The following MECOM variants were observed in gnomAD, a reference collection of about 807,000 sequenced individuals.
The protein encoded by MECOM is histone-lysine N-methyltransferase MECOM.
In MECOM, 13 loss-of-function variants were observed where a neutral mutation model predicts 116.3. That is an observed-to-expected ratio of 0.11 (90% confidence interval 0.07 to 0.18). The LOEUF (loss-of-function observed/expected upper bound fraction) is 0.18, where lower values mean the gene tolerates loss of function less well. MECOM is among the 10% of genes least tolerant of loss of function. The probability of loss-of-function intolerance (pLI) is 1.00; values close to 1 mark genes in which losing one functional copy is unlikely to be tolerated. For missense variants in MECOM, 1,299 were observed against 1,509.0 expected (o/e 0.86, Z 2.31); for synonymous variants, 528 against 535.2 (o/e 0.99, Z 0.19).
At chr3:169,512,819 C>A (rs1283184809) in intron 1 of MECOM, among the ~76,000 whole-genome samples, 1 of 152,194 alleles carries the variant, frequency 6.6e-6, no homozygotes, top group Non-Finnish European at 1.5e-5. Context: ...CTTCTTCCTG[C>A]AGGGCCATCT....
intron 1 of MECOM, among the ~76,000 whole-genome samples, chr3:169,591,897 T>C (rs1354563277): frequency 6.6e-6 from 1 of 151,264 alleles, no homozygotes; most frequent in Non-Finnish European, 1.5e-5. Context: ...CAGTACAGTA[T>C]AGAGAATAAT....
At chr3:169,286,437 T>C (rs1713334695) in intron 2 of MECOM, among the ~76,000 whole-genome samples, 1 of 152,186 alleles carries the variant, frequency 6.6e-6, no homozygotes. Context: ...AAGAATAGAA[T>C]ACCTTCCCTT....
chr3:169,616,679 C>T (rs540536456), intron 1 of MECOM, among the ~76,000 whole-genome samples: 63 of 152,250 alleles, frequency 4.1e-4, no homozygotes, highest in African/African-American at 1.4e-3. Flanking sequence ...ACAAAGATTT[C>T]GGCTTCACTG....
intron 2 of MECOM, among the ~76,000 whole-genome samples, chr3:169,349,351 C>T (rs749936816): frequency 3.3e-5 from 5 of 151,878 alleles, no homozygotes; most frequent in African/African-American, 1.2e-4. Flanking sequence ...TTACAAACCT[C>T]GTCTAGTCGG....
intron 1 of MECOM, among the ~76,000 whole-genome samples, chr3:169,382,041 T>A (rs1732472806): frequency 6.6e-6 from 1 of 152,146 alleles, no homozygotes. Flanking sequence ...AATATTAGTG[T>A]TTTTTCTTTC....
intron 2 of MECOM, among the ~76,000 whole-genome samples, chr3:169,315,382 G>T (rs1719553081): frequency 6.6e-6 from 1 of 152,174 alleles, no homozygotes; most frequent in African/African-American, 2.4e-5. Flanking sequence ...TTTATTCTTT[G>T]TAAAATACAG....
In MECOM at chr3:169,115,753, T is replaced by C. The variant is rs745390968; in HGVS notation, c.2119A>G (p.Met707Val). Reference sequence around the variant, plus strand: ...AAGTCTCTATCAGGAAATGGGTACATTGATTGAGAGAATGCTGGAAAAAAT... The same window carrying C: ...AAGTCTCTATCAGGAAATGGGTACACTGATTGAGAGAATGCTGGAAAAAAT... ...LPFFPAFSQS[M>V]YPFPDRDLRS... The change falls in exon 8 of 17, where the codon ATG (methionine) becomes GTG (valine). Residue 707 changes from methionine (M) to valine (V), a missense_variant. By Grantham distance (21) the Met-to-Val change is conservative. Transcript: ENST00000651503. 1.6e-5 allele frequency: 26 copies of C among 1,614,026 alleles called. No homozygotes were observed. Among genetic ancestry groups the C allele is most frequent in the African/African-American group, 1.5e-4 (11 of 74,926 alleles).
chr3:169,335,163 A>G (rs1723394803), intron 2 of MECOM, among the ~76,000 whole-genome samples: 1 of 152,144 alleles, frequency 6.6e-6, no homozygotes, highest in Non-Finnish European at 1.5e-5. Context: ...TGGACTGAAC[A>G]AGGAAGCAGA....
intron 1 of MECOM, among the ~76,000 whole-genome samples, chr3:169,600,560 C>T (rs1767713500): frequency 6.6e-6 from 1 of 152,172 alleles, no homozygotes; most frequent in African/African-American, 2.4e-5. Flanking sequence ...TTTCTCCCTT[C>T]AAGAGGAACT....
chr3:169,378,694 CTAGA>C (rs1731874258), intron 2 of MECOM, among the ~76,000 whole-genome samples: 1 of 151,544 alleles, frequency 6.6e-6, no homozygotes, highest in African/African-American at 2.4e-5. Context: ...GACTGAACAA[CTAGA>C]TAGATGGCAA....
At chr3:169,560,629 T>C (rs901131029) in intron 1 of MECOM, among the ~76,000 whole-genome samples, 3 of 152,056 alleles carry the variant, frequency 2.0e-5, no homozygotes, top group African/African-American at 7.2e-5. Flanking sequence ...TGTTTAACAA[T>C]AAATGACAGA....
intron 2 of MECOM, among the ~76,000 whole-genome samples, chr3:169,349,220 G>A (rs1725885708): frequency 6.6e-6 from 1 of 151,798 alleles, no homozygotes; most frequent in African/African-American, 2.4e-5. Flanking sequence ...CTGTTCGTAG[G>A]TTAGACCCCT....
At chr3:169,372,245 G>T (rs1730263088) in intron 2 of MECOM, among the ~76,000 whole-genome samples, 1 of 152,084 alleles carries the variant, frequency 6.6e-6, no homozygotes, top group South Asian at 2.1e-4. Context: ...TTCTGGCTGA[G>T]ATGAACACAA....
chr3:169,522,663 A>G (rs903075703), intron 1 of MECOM, among the ~76,000 whole-genome samples: 3 of 152,232 alleles, frequency 2.0e-5, no homozygotes, highest in Non-Finnish European at 2.9e-5. Flanking sequence ...ATGTGATCAT[A>G]TGGATGTAAA....
chr3:169,569,136 G>A (rs1034208309), intron 1 of MECOM, among the ~76,000 whole-genome samples: 1 of 151,632 alleles, frequency 6.6e-6, no homozygotes, highest in African/African-American at 2.4e-5. Context: ...AAAATAAAGG[G>A]ATGGAGGAAT....
At position 169,090,062 on chromosome 3, in the gene MECOM, G is replaced by T. The variant is rs759427716; in HGVS notation, c.3339C>A (p.Asn1113Lys). The T allele has an allele frequency of 6.2e-7, 1 of 1,613,528 alleles. No individual in the cohort carries two copies. Among genetic ancestry groups the T allele is most frequent in the Admixed American group, 1.7e-5 (1 of 59,954 alleles). Residue 1113 changes from asparagine to lysine, a missense_variant, in exon 15 of 17, where the codon AAC (asparagine) becomes AAA (lysine). Asn to Lys is a moderately conservative substitution (Grantham distance 94, BLOSUM62 0). Transcript: ENST00000651503. ...EPVTSNLHEGNPEDDYEETSA... is the reference protein window; with the variant it reads ...EPVTSNLHEGKPEDDYEETSA... Reference sequence around the variant, plus strand: ...TGGTTTCTTCATAGTCATCCTCAGGGTTTCCTTCATGTAAATTACTTGTCA... The same window carrying T: ...TGGTTTCTTCATAGTCATCCTCAGGTTTTCCTTCATGTAAATTACTTGTCA...
intron 2 of MECOM, among the ~76,000 whole-genome samples, chr3:169,357,559 T>G (rs1365263725): frequency 6.6e-6 from 1 of 151,844 alleles, no homozygotes; most frequent in African/African-American, 2.4e-5. Context: ...AAGCACATGC[T>G]TAACACCTGC....
At position 169,146,521 on chromosome 3, in the gene MECOM, G is replaced by A. The variant is rs1387438972; in HGVS notation, c.376-2689C>T. The stretch of plus-strand genomic sequence containing the variant: ...CCCGGAGACGTGTCCAGACCGCACC[G>A]TTTCGCAGGAGGAACAAGGAAATCG... On this transcript the variant is annotated intron_variant, in intron 2 of 16. Coordinates refer to ENST00000651503, the MANE Select transcript of MECOM (RefSeq NM_004991.4). 6 of 1,379,028 alleles carry A rather than the reference G, an allele frequency of 4.4e-6. No homozygotes were observed. In the Admixed American group the frequency reaches 7.5e-5, roughly 17 times the overall value. 85.4% of individuals were successfully genotyped at this position (1,379,028 alleles called of 1,614,324 possible). A position where few individuals can be genotyped will look rare whatever the true frequency, so the allele number is the denominator to read the frequency against.
intron 1 of MECOM, among the ~76,000 whole-genome samples, chr3:169,473,127 G>C (rs1369504562): frequency 1.3e-5 from 2 of 152,138 alleles, no homozygotes; most frequent in South Asian, 2.1e-4. Context: ...AAGTAATCTT[G>C]GAAGCTTTGT....
Sources: gnomAD v4.1 joint callset for allele counts (sites outside exome capture counted in the v4.1 genomes callset) on GRCh38, gnomAD v4.1.1 for gene constraint, MANE v1.5 for transcripts, NCBI Gene and HGNC (gene_info 2026-07-23, HGNC 2026-07-21) for gene names.